SPOCK1: variants seen among roughly 807,000 people sequenced by gnomAD.
The protein encoded by SPOCK1 is SPARC (osteonectin), cwcv and kazal like domains proteoglycan 1, also known as testican-1.
Under a neutral mutation model 55.3 loss-of-function variants are expected in SPOCK1, and 23 were observed. The observed-to-expected ratio is 0.42, with a 90% CI of 0.30 to 0.59. SPOCK1 has a LOEUF of 0.59. SPOCK1 is among the 20% of genes least tolerant of loss of function. The pLI is 0.22. For missense variants in SPOCK1, 499 were observed against 552.5 expected, an observed-to-expected ratio of 0.90 and a Z score of 0.97; for synonymous variants, 226 against 221.0, an observed-to-expected ratio of 1.02 and a Z score of -0.20.
intron 7 of SPOCK1, among the ~76,000 whole-genome samples, chr5:136,989,526 A>G (rs1236332372): frequency 6.6e-6 from 1 of 152,196 alleles, no homozygotes; most frequent in Admixed American, 6.5e-5. Flanking sequence ...TATAGAAAGC[A>G]TGCTTCTAAG....
At chr5:137,370,134 C>T (rs979926627) in intron 2 of SPOCK1, among the ~76,000 whole-genome samples, 1 of 152,084 alleles carries the variant, frequency 6.6e-6, no homozygotes, top group African/African-American at 2.4e-5. Flanking sequence ...ACCTAGGCTG[C>T]CTCTCAGCAC....
Position 137,390,469 on chromosome 5 carries a change from G to A in SPOCK1, c.186+107904C>T, listed in dbSNP as rs566116555. 3.3e-5 allele frequency among the ~76,000 whole-genome samples: 5 copies of A among 152,260 alleles called. No homozygotes were observed. In the South Asian group the frequency reaches 1.0e-3, roughly 32 times the overall value. On this transcript the variant is annotated intron_variant, in intron 2 of 10. Coordinates refer to ENST00000394945, the MANE Select transcript of SPOCK1 (RefSeq NM_004598.4). ...ATTTTAATAGGAACACCATCTATTT[G>A]TCTTGAGGAAGAAGGTCCTTGTGAG... is the stretch of plus-strand genomic sequence containing the variant.
chr5:137,208,279 C>A (rs551395807), intron 3 of SPOCK1, among the ~76,000 whole-genome samples: 1 of 152,252 alleles, frequency 6.6e-6, no homozygotes, highest in East Asian at 1.9e-4. Context: ...ATATCAATAA[C>A]TTTTGCCCCA....
intron 3 of SPOCK1, among the ~76,000 whole-genome samples, chr5:137,188,982 C>A (rs1343362443): frequency 1.3e-5 from 2 of 152,236 alleles, no homozygotes; most frequent in East Asian, 3.8e-4. Flanking sequence ...CTTCCTTAAG[C>A]CAAAACCTAG....
At chr5:136,979,226 G>A in intron 10 of SPOCK1, 106 bp downstream of exon 10, 3 of 1,473,876 alleles carry the variant, frequency 2.0e-6, no homozygotes, top group Non-Finnish European at 2.8e-6. Context: ...TAAACTTAAT[G>A]TATACTGGAG....
At chr5:137,061,206 C>T (rs1283029493) in intron 6 of SPOCK1, among the ~76,000 whole-genome samples, 3 of 152,198 alleles carry the variant, frequency 2.0e-5, no homozygotes, top group African/African-American at 4.8e-5. Flanking sequence ...AAAGATAAAT[C>T]TCTATTTTTC....
intron 3 of SPOCK1, among the ~76,000 whole-genome samples, chr5:137,256,903 T>C (rs1756645630): frequency 6.6e-6 from 1 of 152,204 alleles, no homozygotes; most frequent in Non-Finnish European, 1.5e-5. Context: ...TTTTTAATAA[T>C]TGATTTTCCA....
At chr5:137,192,185 ATC>A (rs1755193910) in intron 3 of SPOCK1, among the ~76,000 whole-genome samples, 1 of 145,326 alleles carries the variant, frequency 6.9e-6, no homozygotes, top group Non-Finnish European at 1.5e-5. Flanking sequence ...TTGAGCCGAG[ATC>A]ACACCACTGC....
At position 137,142,474 on chromosome 5, in the gene SPOCK1, C is replaced by A. The variant is rs890866483; in HGVS notation, c.233-1780G>T. ...CAGCTTCAGCAGCTGTAAACAGAAG[C>A]CAGGCTGCATTCTCAGGCCCATCTG... On this transcript the variant is annotated intron_variant, in intron 3 of 10. Coordinates refer to ENST00000394945, the MANE Select transcript of SPOCK1 (RefSeq NM_004598.4). 2.6e-5 allele frequency among the ~76,000 whole-genome samples: 4 copies of A among 152,324 alleles called. No individual in the cohort carries two copies. The East Asian group carries it at 5.8e-4, about 22-fold the overall frequency.
At chr5:137,421,410 C>A (rs2149825773) in intron 2 of SPOCK1, among the ~76,000 whole-genome samples, 1 of 152,264 alleles carries the variant, frequency 6.6e-6, no homozygotes, top group South Asian at 2.1e-4. Flanking sequence ...TAAAGTCTCC[C>A]ATTATTATTG....
intron 3 of SPOCK1, among the ~76,000 whole-genome samples, chr5:137,194,324 A>G (rs998237441): frequency 1.3e-5 from 2 of 152,186 alleles, no homozygotes; most frequent in African/African-American, 4.8e-5. Flanking sequence ...TTAATGAGGT[A>G]TTGACTGTGC....
chr5:137,083,344 T>C (rs546115543), intron 5 of SPOCK1, among the ~76,000 whole-genome samples: 1 of 152,308 alleles, frequency 6.6e-6, no homozygotes, highest in South Asian at 2.1e-4. Flanking sequence ...GCAGAGGCTC[T>C]AAACAAATGA....
intron 6 of SPOCK1, among the ~76,000 whole-genome samples, chr5:136,997,555 C>A (rs17719087): frequency 0.018 from 2,678 of 152,326 alleles, 33 homozygotes; most frequent in Non-Finnish European, 0.027. Flanking sequence ...AAATGGCCTG[C>A]AGGACACACT....
At chr5:137,379,881 G>T (rs1180625224) in intron 2 of SPOCK1, among the ~76,000 whole-genome samples, 2 of 152,124 alleles carry the variant, frequency 1.3e-5, no homozygotes, top group Admixed American at 6.5e-5. Context: ...AGACCTTAGG[G>T]GTGCATTAAT....
chr5:137,177,440 G>C (rs1037274638), intron 3 of SPOCK1, among the ~76,000 whole-genome samples: 5 of 152,086 alleles, frequency 3.3e-5, no homozygotes, highest in African/African-American at 4.8e-5. Context: ...AGCTCAGGGA[G>C]TCCAGCTTGG....
intron 6 of SPOCK1, among the ~76,000 whole-genome samples, chr5:137,055,475 C>G (rs1375179151): frequency 6.6e-6 from 1 of 152,214 alleles, no homozygotes; most frequent in Non-Finnish European, 1.5e-5. Context: ...TTTTAACTCA[C>G]TATGCTTTCC....
chr5:137,407,716 C>G (rs570390919), intron 2 of SPOCK1, among the ~76,000 whole-genome samples: 17 of 152,258 alleles, frequency 1.1e-4, no homozygotes, highest in African/African-American at 3.9e-4. Flanking sequence ...TCATTCTCCC[C>G]CCAACACAAA....
At chr5:136,993,608 G>GTAAC (rs889900989) in intron 6 of SPOCK1, among the ~76,000 whole-genome samples, 4 of 152,222 alleles carry the variant, frequency 2.6e-5, no homozygotes, top group Non-Finnish European at 4.4e-5. Flanking sequence ...CCCCACATCT[G>GTAAC]TAACTTCTCC....
At chr5:137,066,735 A>G (rs1388090584) in intron 6 of SPOCK1, among the ~76,000 whole-genome samples, 2 of 152,206 alleles carry the variant, frequency 1.3e-5, no homozygotes, top group Admixed American at 6.5e-5. Context: ...TTGTAATCAC[A>G]GTGTTTCATG....
Sources: allele counts gnomAD v4.1 joint callset (sites outside exome capture counted in the v4.1 genomes callset), GRCh38; gene constraint gnomAD v4.1.1; transcripts MANE v1.5; gene names NCBI Gene and HGNC (gene_info 2026-07-23, HGNC 2026-07-21).